Variants in CCSER1 observed in about 807,000 individuals in gnomAD.
CCSER1 encodes the protein serine-rich coiled-coil domain-containing protein 1.
Under a neutral mutation model 82.0 loss-of-function variants are expected in CCSER1, and 41 were observed. That is an observed-to-expected ratio of 0.50 (90% CI 0.39 to 0.65). The LOEUF (loss-of-function observed/expected upper bound fraction) is 0.65. Among genes scored for constraint, CCSER1 ranks in the 30% least tolerant of loss-of-function variants. The pLI, the probability that CCSER1 is intolerant of heterozygous loss-of-function variation, is 0.00. For synonymous variants in CCSER1, 414 were observed against 383.9 expected, an observed-to-expected ratio of 1.08 and a Z score of -0.92; for missense variants, 1,119 against 1,064.2, an observed-to-expected ratio of 1.05 and a Z score of -0.72.
At chr4:90,211,402 T>G (rs1156349340) in intron 1 of CCSER1, among the ~76,000 whole-genome samples, 1 of 152,248 alleles carries the variant, frequency 6.6e-6, no homozygotes, top group Non-Finnish European at 1.5e-5. Flanking sequence ...AATGATTGCA[T>G]AACTGGTTAC....
chr4:90,723,075 T>C (rs1742961032), intron 6 of CCSER1, among the ~76,000 whole-genome samples: 1 of 151,994 alleles, frequency 6.6e-6, no homozygotes, highest in Non-Finnish European at 1.5e-5. Flanking sequence ...GTATATATTC[T>C]TTTCAATGTT....
At chr4:90,325,833 A>C in intron 3 of CCSER1, 3 of 235,474 alleles carry the variant, frequency 1.3e-5, no homozygotes, top group Non-Finnish European at 1.8e-5. Flanking sequence ...CTGACTCCAA[A>C]GGTCAAGAAA....
chr4:91,045,546 C>A lies in CCSER1; in HGVS notation c.2173-40404C>A, dbSNP rs543993142. On this transcript the variant is annotated intron_variant, in intron 9 of 10. Transcript: ENST00000509176. ...TTCATTATTCTGCAGACATGGAGCA[C>A]CTGGAAAAAAATCTGCATGACATAA... Among the ~76,000 whole-genome samples the A allele has an allele frequency of 4.0e-5, 6 of 151,844 alleles. 1 individual carries two copies. Among genetic ancestry groups the A allele is most frequent in the African/African-American group, 1.4e-4 (6 of 41,408 alleles).
Position 90,616,101 on chromosome 4 carries a change from A to G in CCSER1, c.1725-11924A>G, listed in dbSNP as rs542655745. ...AAATTATTTTTAAATTAAGGCGTGTACATTGTTTTTTAGACATAATGCTAT... is the reference window on the plus strand; with the variant it reads ...AAATTATTTTTAAATTAAGGCGTGTGCATTGTTTTTTAGACATAATGCTAT... On this transcript the variant is annotated intron_variant, in intron 5 of 10. Coordinates refer to ENST00000509176, the MANE Select transcript of CCSER1 (RefSeq NM_001145065.2). Among the ~76,000 whole-genome samples the G allele has an allele frequency of 3.3e-5, 5 of 152,358 alleles. No individual in the cohort carries two copies. The South Asian group carries it at 1.0e-3, about 32-fold the overall frequency.
intron 4 of CCSER1, chr4:90,403,870 C>T (rs981907837): frequency 2.6e-5 from 4 of 152,162 alleles, no homozygotes; most frequent in African/African-American, 9.7e-5. Flanking sequence ...GTAGCTCCTG[C>T]TTGGATGAAC....
intron 1 of CCSER1, among the ~76,000 whole-genome samples, chr4:90,171,163 T>C (rs1158324737): frequency 7.0e-6 from 1 of 142,050 alleles, no homozygotes; most frequent in African/African-American, 2.8e-5. Flanking sequence ...AAAAAAGTCT[T>C]GTGGGCAGAA....
At chr4:91,162,589 T>A (rs1159234290) in intron 10 of CCSER1, among the ~76,000 whole-genome samples, 1 of 152,234 alleles carries the variant, frequency 6.6e-6, no homozygotes, top group Non-Finnish European at 1.5e-5. Flanking sequence ...AGGCTCTTAA[T>A]TATTGCCTCA....
intron 9 of CCSER1, among the ~76,000 whole-genome samples, chr4:91,080,742 C>A (rs1722616469): frequency 6.6e-6 from 1 of 152,134 alleles, no homozygotes; most frequent in African/African-American, 2.4e-5. Flanking sequence ...GATATCACCA[C>A]CGATCCCACA....
At chr4:90,666,580 G>T (rs767292480) in intron 6 of CCSER1, among the ~76,000 whole-genome samples, 2 of 152,190 alleles carry the variant, frequency 1.3e-5, no homozygotes, top group Non-Finnish European at 2.9e-5. Context: ...GAGCCTCACA[G>T]ATTGGGGGAA....
At chr4:90,544,561 C>T (rs1776517107) in intron 5 of CCSER1, among the ~76,000 whole-genome samples, 3 of 152,012 alleles carry the variant, frequency 2.0e-5, no homozygotes, top group African/African-American at 7.2e-5. Context: ...GCTTTGGTGT[C>T]CAGAGTTTCT....
chr4:91,188,757 G>A (rs1397624849), intron 10 of CCSER1, among the ~76,000 whole-genome samples: 2 of 152,024 alleles, frequency 1.3e-5, no homozygotes, highest in Non-Finnish European at 2.9e-5. Context: ...TGATACTTTT[G>A]TGATTCAAGC....
intron 10 of CCSER1, among the ~76,000 whole-genome samples, chr4:91,536,818 T>G (rs1761322620): frequency 6.6e-6 from 1 of 152,108 alleles, no homozygotes; most frequent in African/African-American, 2.4e-5. Context: ...TCCCTATGTT[T>G]TTTTACTATT....
At chr4:91,464,592 C>G (rs1299323365) in intron 10 of CCSER1, among the ~76,000 whole-genome samples, 1 of 152,166 alleles carries the variant, frequency 6.6e-6, no homozygotes, top group African/African-American at 2.4e-5. Flanking sequence ...CATCACTGTG[C>G]TGTATTCAGG....
chr4:90,394,387 T>C (rs1044362238), intron 3 of CCSER1, among the ~76,000 whole-genome samples: 8 of 152,210 alleles, frequency 5.3e-5, no homozygotes, highest in African/African-American at 1.9e-4. Flanking sequence ...TTAATGCCTC[T>C]TGATATCAAG....
chr4:91,588,412 ATG>A (rs1360511151), intron 10 of CCSER1, among the ~76,000 whole-genome samples: 2 of 151,700 alleles, frequency 1.3e-5, no homozygotes, highest in African/African-American at 4.8e-5. Flanking sequence ...CAGCAAAAGA[ATG>A]TATTTTTGAA....
chr4:91,042,274 G>A (rs994395612), intron 9 of CCSER1, among the ~76,000 whole-genome samples: 21 of 152,222 alleles, frequency 1.4e-4, no homozygotes, highest in African/African-American at 4.6e-4. Context: ...AGTGCATCCA[G>A]CGTTCATTCG....
At chr4:90,461,907 C>G (rs1762975874) in intron 4 of CCSER1, among the ~76,000 whole-genome samples, 1 of 152,224 alleles carries the variant, frequency 6.6e-6, no homozygotes, top group African/African-American at 2.4e-5. Flanking sequence ...TATGTTTTAT[C>G]TTCACAAGTT....
intron 10 of CCSER1, among the ~76,000 whole-genome samples, chr4:91,471,253 A>G (rs1560697897): frequency 6.6e-6 from 1 of 152,200 alleles, no homozygotes; most frequent in Non-Finnish European, 1.5e-5. Flanking sequence ...TTGAATTTGA[A>G]GGATAAGAAC....
At chr4:90,466,888 A>T (rs1300080369) in intron 4 of CCSER1, among the ~76,000 whole-genome samples, 1 of 152,236 alleles carries the variant, frequency 6.6e-6, no homozygotes, top group African/African-American at 2.4e-5. Context: ...AAGTTTGTGC[A>T]CTGTTTAAAA....
Sources: allele counts gnomAD v4.1 joint callset (sites outside exome capture counted in the v4.1 genomes callset), GRCh38; gene constraint gnomAD v4.1.1; transcripts MANE v1.5; gene names NCBI Gene and HGNC (gene_info 2026-07-23, HGNC 2026-07-21).